MPPED2: variants seen among roughly 807,000 people sequenced by gnomAD.
MPPED2 encodes metallophosphoesterase MPPED2.
In MPPED2, 5 loss-of-function variants were observed where a neutral mutation model predicts 33.0. That is an observed-to-expected ratio of 0.15 (90% CI 0.08 to 0.32). The LOEUF is 0.32. Among genes scored for constraint, MPPED2 ranks in the 10% least tolerant of loss-of-function variants. The pLI is 1.00. For synonymous variants in MPPED2, 136 were observed against 141.9 expected, an observed-to-expected ratio of 0.96 and a Z score of 0.29; for missense variants, 275 against 372.1, an observed-to-expected ratio of 0.74 and a Z score of 2.15.
rs551537308 is a variant in MPPED2 at position 30,490,754 on chromosome 11, CT to C, written c.536+4541del. 2.4e-4 allele frequency among the ~76,000 whole-genome samples: 36 copies of C among 152,316 alleles called. No homozygotes were observed. The South Asian group carries it at 7.5e-3, about 32-fold the overall frequency. On this transcript the variant is annotated intron_variant, in intron 4 of 6. Transcript: ENST00000358117. ...TTAAACTGTAAATTAGAAAACACTA[CT>C]TTAATTCTCCCTAGTCTTGAGGTAG... is the stretch of plus-strand genomic sequence containing the variant.
intron 4 of MPPED2, among the ~76,000 whole-genome samples, chr11:30,457,398 AC>A (rs1324204949): frequency 3.4e-5 from 5 of 148,804 alleles, no homozygotes; most frequent in Non-Finnish European, 6.0e-5. Flanking sequence ...AAAAAAAAAA[AC>A]AGTTCCTTCT....
exon 7 of MPPED2, chr11:30,386,673 A>T (rs967746221): frequency 2.5e-6 from 1 of 398,514 alleles, no homozygotes; most frequent in Non-Finnish European, 4.4e-6. Flanking sequence ...AAATGAATGA[A>T]CAGAACTCAA....
chr11:30,444,246 C>T (rs1949704354), intron 4 of MPPED2, among the ~76,000 whole-genome samples: 1 of 152,154 alleles, frequency 6.6e-6, no homozygotes, highest in South Asian at 2.1e-4. Flanking sequence ...GATCTGCATT[C>T]CACCTGCGTT....
intron 4 of MPPED2, among the ~76,000 whole-genome samples, chr11:30,452,778 T>C (rs1348772954): frequency 6.6e-6 from 1 of 152,074 alleles, no homozygotes; most frequent in East Asian, 1.9e-4. Context: ...GAAACCACTA[T>C]TAGGATAAAA....
intron 4 of MPPED2, among the ~76,000 whole-genome samples, chr11:30,428,762 C>A (rs1421414578): frequency 6.6e-6 from 1 of 152,104 alleles, no homozygotes; most frequent in Non-Finnish European, 1.5e-5. Context: ...GTATGTTGTG[C>A]AGATTAAATG....
At chr11:30,420,667 T>G (rs1020126468) in intron 4 of MPPED2, among the ~76,000 whole-genome samples, 4 of 152,190 alleles carry the variant, frequency 2.6e-5, no homozygotes, top group Non-Finnish European at 4.4e-5. Context: ...GAGAAGGTAG[T>G]GCTCTCTTTC....
At chr11:30,416,136 G>A (rs1948345269) in intron 5 of MPPED2, among the ~76,000 whole-genome samples, 1 of 152,264 alleles carries the variant, frequency 6.6e-6, no homozygotes, top group African/African-American at 2.4e-5. Flanking sequence ...TTAAAACATG[G>A]GTTGAGGTGG....
At chr11:30,560,338 T>C (rs1038548817) in intron 2 of MPPED2, among the ~76,000 whole-genome samples, 1 of 152,080 alleles carries the variant, frequency 6.6e-6, no homozygotes, top group African/African-American at 2.4e-5. Flanking sequence ...GTTAACCATT[T>C]TCTGTGGCCA....
chr11:30,509,075 T>C (rs1952996118), intron 3 of MPPED2, among the ~76,000 whole-genome samples: 1 of 152,214 alleles, frequency 6.6e-6, no homozygotes, highest in Non-Finnish European at 1.5e-5. Flanking sequence ...TTATAAGTCC[T>C]ATTTTTATTT....
chr11:30,551,727 A>G (rs1402148828), intron 2 of MPPED2, among the ~76,000 whole-genome samples: 1 of 152,234 alleles, frequency 6.6e-6, no homozygotes, highest in Non-Finnish European at 1.5e-5. Flanking sequence ...TTATGAGCAT[A>G]GTAAGTTCTA....
At chr11:30,451,365 A>G (rs1950056103) in intron 4 of MPPED2, among the ~76,000 whole-genome samples, 1 of 152,230 alleles carries the variant, frequency 6.6e-6, no homozygotes, top group African/African-American at 2.4e-5. Context: ...AGACTTAGAA[A>G]TGCAATTCCC....
intron 4 of MPPED2, among the ~76,000 whole-genome samples, chr11:30,426,439 T>C (rs1319881954): frequency 6.6e-6 from 1 of 152,212 alleles, no homozygotes; most frequent in African/African-American, 2.4e-5. Context: ...TGCCAGGCAC[T>C]AAGCTTGACC....
chr11:30,512,950 G>C (rs1953308922), intron 3 of MPPED2, among the ~76,000 whole-genome samples: 1 of 151,928 alleles, frequency 6.6e-6, no homozygotes, highest in East Asian at 1.9e-4. Flanking sequence ...GCTGACCCAA[G>C]ATCACGCCAC....
At chr11:30,486,309 G>A (rs1332783811) in intron 4 of MPPED2, among the ~76,000 whole-genome samples, 1 of 152,186 alleles carries the variant, frequency 6.6e-6, no homozygotes, top group Non-Finnish European at 1.5e-5. Context: ...TTACAGTTCA[G>A]AGTACAAAAT....
chr11:30,384,840 G>A (rs1947685671), exon 7 of MPPED2: 1 of 152,106 alleles, frequency 6.6e-6, no homozygotes, highest in Non-Finnish European at 1.5e-5. Flanking sequence ...TAAATCTCTT[G>A]TCCAAGATTG....
At chr11:30,528,281 A>T (rs1385966503) in intron 3 of MPPED2, among the ~76,000 whole-genome samples, 1 of 151,896 alleles carries the variant, frequency 6.6e-6, no homozygotes, top group African/African-American at 2.4e-5. Context: ...TTTCAGACGG[A>T]GTCTCGCTCT....
chr11:30,504,894 C>A (rs1485846006), intron 3 of MPPED2: 2 of 915,328 alleles, frequency 2.2e-6, no homozygotes, highest in East Asian at 1.2e-4. Context: ...GCCAGAAACC[C>A]AGGAGAAGGC....
intron 3 of MPPED2, among the ~76,000 whole-genome samples, chr11:30,509,592 A>G (rs1953033698): frequency 6.6e-6 from 1 of 152,168 alleles, no homozygotes; most frequent in Admixed American, 6.5e-5. Flanking sequence ...GCCTAGGCCC[A>G]AACAGGACAC....
At chr11:30,509,603 G>A (rs566746073) in intron 3 of MPPED2, among the ~76,000 whole-genome samples, 21 of 152,148 alleles carry the variant, frequency 1.4e-4, no homozygotes, top group Admixed American at 2.6e-4. Context: ...AACAGGACAC[G>A]TGTGTGCATC....
Sources: gnomAD v4.1 joint callset for allele counts (sites outside exome capture counted in the v4.1 genomes callset) on GRCh38, gnomAD v4.1.1 for gene constraint, MANE v1.5 for transcripts, NCBI Gene and HGNC (gene_info 2026-07-23, HGNC 2026-07-21) for gene names.